INHBC: variants seen among roughly 807,000 people sequenced by gnomAD.
INHBC encodes inhibin subunit beta C, also known as inhibin beta C chain.
INHBC carries 10 observed loss-of-function variants against 12.4 expected under a neutral mutation model. The observed-to-expected ratio is 0.81, with a 90% CI of 0.50 to 1.37. The LOEUF (loss-of-function observed/expected upper bound fraction) is 1.37, where lower values mean the gene tolerates loss of function less well. Among genes scored for constraint, INHBC ranks in the 40% most tolerant of loss-of-function variants. The pLI, the probability that INHBC is intolerant of heterozygous loss-of-function variation, is 0.00. For synonymous variants in INHBC, 147 were observed against 171.6 expected, an observed-to-expected ratio of 0.86 and a Z score of 1.12; for missense variants, 382 against 439.4, an observed-to-expected ratio of 0.87 and a Z score of 1.17.
chr12:57,447,482 G>A (rs776047269), intron 1 of INHBC, among the ~76,000 whole-genome samples: 1 of 151,852 alleles, frequency 6.6e-6, no homozygotes, highest in Non-Finnish European at 1.5e-5. Flanking sequence ...ACCACGCCTA[G>A]CTGATCATAG....
intron 1 of INHBC, 26 bp downstream of exon 1, chr12:57,435,225 C>G (rs1244334500): frequency 6.3e-7 from 1 of 1,581,854 alleles, no homozygotes; most frequent in South Asian, 1.1e-5. Context: ...GTAGCTCTTC[C>G]CCAGAACTTG....
chr12:57,436,903 G>A (rs1028596079), intron 1 of INHBC, among the ~76,000 whole-genome samples: 2 of 151,916 alleles, frequency 1.3e-5, no homozygotes, highest in Non-Finnish European at 2.9e-5. Context: ...TCCTGACCTC[G>A]TGATCCTCCT....
intron 1 of INHBC, among the ~76,000 whole-genome samples, chr12:57,447,922 T>TATATATAA (rs1324931217): frequency 6.3e-4 from 48 of 75,632 alleles, no homozygotes; most frequent in African/African-American, 1.3e-3. Context: ...TATATATATA[T>TATATATAA]AAAATATATG....
chr12:57,446,211 C>T (rs1483997984), intron 1 of INHBC, among the ~76,000 whole-genome samples: 3 of 152,066 alleles, frequency 2.0e-5, no homozygotes, highest in African/African-American at 7.2e-5. Flanking sequence ...GCTGGGATTA[C>T]AGGCGTGAGC....
At chr12:57,448,729 A>G (rs1292963067) in intron 1 of INHBC, among the ~76,000 whole-genome samples, 1 of 152,190 alleles carries the variant, frequency 6.6e-6, no homozygotes, top group Non-Finnish European at 1.5e-5. Flanking sequence ...GAAAACCAGG[A>G]AGAATTATAA....
Position 57,451,246 on chromosome 12 carries a change from C to G in INHBC, c.*1224C>G, listed in dbSNP as rs1870706392. On this transcript the variant is annotated 3_prime_UTR_variant, in exon 2 of 2. Coordinates refer to ENST00000309668, the MANE Select transcript of INHBC (RefSeq NM_005538.4). ...AATCCCTCCAAAAGATGAGACAGAT[C>G]TATGCTTGGTCATCCAGTAAACTGA... Among the ~76,000 whole-genome samples the G allele has an allele frequency of 6.6e-6, 1 of 152,210 alleles. No individual in the cohort carries two copies. Among genetic ancestry groups the G allele is most frequent in the African/African-American group, 2.4e-5 (1 of 41,450 alleles).
chr12:57,441,674 T>C (rs1272106729), intron 1 of INHBC, among the ~76,000 whole-genome samples: 1 of 130,604 alleles, frequency 7.7e-6, no homozygotes, highest in Non-Finnish European at 1.6e-5. Flanking sequence ...CATTCATTAT[T>C]TCTCATGATT....
chr12:57,444,919 C>A (rs562230422), intron 1 of INHBC, among the ~76,000 whole-genome samples: 1 of 152,254 alleles, frequency 6.6e-6, no homozygotes, highest in African/African-American at 2.4e-5. Context: ...TGGCCTCAAG[C>A]AATCCTGCCA....
chr12:57,449,993 ATGG>A lies in INHBC; in HGVS notation c.1032_1034del (p.Met344_Val345delinsIle), dbSNP rs777945800. On this transcript the variant is annotated inframe_deletion, in exon 2 of 2. Coordinates refer to ENST00000309668, the MANE Select transcript of INHBC (RefSeq NM_005538.4). ...CATTGTCAAGACTGACATACCTGAC[ATGG>A]TAGTAGAGGCCTGTGGGTGCAGTTA... The A allele has an allele frequency of 6.5e-7, 1 of 1,531,794 alleles. No homozygotes were observed. Among genetic ancestry groups the A allele is most frequent in the South Asian group, 1.3e-5 (1 of 77,612 alleles). 94.9% of individuals were successfully genotyped at this position (1,531,794 alleles called of 1,614,324 possible).
intron 1 of INHBC, among the ~76,000 whole-genome samples, chr12:57,442,991 C>CAAA (rs1279356405): frequency 1.6e-5 from 1 of 62,410 alleles, no homozygotes. Flanking sequence ...GACTCCGTCT[C>CAAA]AAAAAAAAAA....
Position 57,434,970 on chromosome 12 carries a change from A to C in INHBC, c.84A>C (p.Ala28=), listed in dbSNP as rs777105738. The change falls in exon 1 of 2, where the codon GCA becomes GCC. Residue 28 remains alanine (A), a synonymous_variant. Coordinates refer to ENST00000309668, the MANE Select transcript of INHBC (RefSeq NM_005538.4). ...ATPRAGGQCP[A]CGGPTLELES... is the part of the protein sequence containing the mutation. ...CCAGAGCTGGCGGTCAGTGTCCAGCATGTGGGGGGCCCACCTTGGAACTGG... is the reference window on the plus strand; with the variant it reads ...CCAGAGCTGGCGGTCAGTGTCCAGCCTGTGGGGGGCCCACCTTGGAACTGG... 5 of 1,614,218 alleles carry C rather than the reference A, an allele frequency of 3.1e-6. No homozygotes were observed. Among genetic ancestry groups the C allele is most frequent in the South Asian group, 1.1e-5 (1 of 91,088 alleles).
At chr12:57,446,273 A>G (rs1870577188) in intron 1 of INHBC, among the ~76,000 whole-genome samples, 1 of 152,034 alleles carries the variant, frequency 6.6e-6, no homozygotes, top group South Asian at 2.1e-4. Context: ...AGATTGAAAT[A>G]TCATTGGATG....
intron 1 of INHBC, 86 bp from the exon 2 acceptor site, chr12:57,449,191 C>T: frequency 6.7e-7 from 1 of 1,484,010 alleles, no homozygotes; most frequent in Non-Finnish European, 9.1e-7. Context: ...GTGCTATAGA[C>T]AACTCAAGAA....
intron 1 of INHBC, among the ~76,000 whole-genome samples, chr12:57,439,042 G>A (rs1027827712): frequency 1.3e-5 from 2 of 152,174 alleles, no homozygotes; most frequent in Non-Finnish European, 2.9e-5. Context: ...AATCAGCCAT[G>A]GTGGGCGAAT....
At position 57,435,020 on chromosome 12, in the gene INHBC, A is replaced by T; in HGVS notation, c.134A>T (p.Asp45Val). The T allele has an allele frequency of 6.2e-7, 1 of 1,614,162 alleles. No homozygotes were observed. The highest frequency in any genetic ancestry group is 8.5e-7 in the Non-Finnish European group (1 of 1,180,048). ...ELESQRELLL[D>V]LAKRSILDKL... ...GAGAGCCAGCGGGAGCTGCTTCTTGATCTGGCCAAGAGAAGCATCTTGGAC... is the reference window on the plus strand; with the variant it reads ...GAGAGCCAGCGGGAGCTGCTTCTTGTTCTGGCCAAGAGAAGCATCTTGGAC... The change falls in exon 1 of 2, where the codon GAT becomes GTT. Residue 45 changes from aspartate to valine, a missense_variant. Asp to Val is a radical substitution (Grantham distance 152). Coordinates refer to ENST00000309668, the MANE Select transcript of INHBC (RefSeq NM_005538.4).
chr12:57,443,547 G>A (rs1024750807), intron 1 of INHBC, among the ~76,000 whole-genome samples: 1 of 151,982 alleles, frequency 6.6e-6, no homozygotes, highest in Non-Finnish European at 1.5e-5. Context: ...GCCTCCCAAA[G>A]TGCTGGGATT....
intron 1 of INHBC, among the ~76,000 whole-genome samples, chr12:57,435,862 C>T (rs1199734622): frequency 1.2e-3 from 177 of 142,558 alleles, no homozygotes; most frequent in African/African-American, 3.8e-3. Flanking sequence ...TTTTTTTTTT[C>T]CTGAGACGGA....
In INHBC at chr12:57,449,526, C is replaced by A. The variant is rs1196360308; in HGVS notation, c.563C>A (p.Ala188Asp). The A allele has an allele frequency of 1.6e-5, 26 of 1,613,922 alleles. No homozygotes were observed. The highest frequency in any genetic ancestry group is 2.1e-5 in the Non-Finnish European group (25 of 1,179,872). ...HQLPLGPEAQ[A>D]ACSQGHLTLE... is the part of the protein sequence containing the mutation. ...CTCCCCCTAGGGCCTGAAGCTCAAGCTGCCTGCAGCCAGGGGCACCTGACC... is the reference window on the plus strand; with the variant it reads ...CTCCCCCTAGGGCCTGAAGCTCAAGATGCCTGCAGCCAGGGGCACCTGACC... Residue 188 changes from alanine to aspartate, a missense_variant, in exon 2 of 2, where the codon GCT becomes GAT. Coordinates refer to ENST00000309668, the MANE Select transcript of INHBC (RefSeq NM_005538.4).
rs1320626430 is a variant in INHBC at position 57,451,269 on chromosome 12, T to A, written c.*1247T>A. ...ATCTATGCTTGGTCATCCAGTAAAC[T>A]GACCAGCTGTGGGCACGCAAGTGTG... is the stretch of plus-strand genomic sequence containing the variant. On this transcript the variant is annotated 3_prime_UTR_variant, in exon 2 of 2. Transcript: ENST00000309668. Among the ~76,000 whole-genome samples the A allele has an allele frequency of 6.6e-6, 1 of 152,204 alleles. No individual in the cohort carries two copies. Among genetic ancestry groups the A allele is most frequent in the East Asian group, 1.9e-4 (1 of 5,190 alleles).
Sources: gnomAD v4.1 joint callset for allele counts (sites outside exome capture counted in the v4.1 genomes callset) on GRCh38, gnomAD v4.1.1 for gene constraint, MANE v1.5 for transcripts, NCBI Gene and HGNC (gene_info 2026-07-23, HGNC 2026-07-21) for gene names.